DENND1B: variants seen among roughly 807,000 people sequenced by gnomAD.
The protein encoded by DENND1B is DENN domain-containing protein 1B.
A neutral mutation model predicts 90.1 loss-of-function variants in DENND1B; 59 were observed. The ratio of observed to expected loss-of-function variants is 0.65; its 90% confidence interval spans 0.53 to 0.81. The LOEUF is 0.81. Among genes scored for constraint, DENND1B ranks in the 40% least tolerant of loss-of-function variants. The probability of loss-of-function intolerance (pLI) is 0.00; values close to 1 mark genes in which losing one functional copy is unlikely to be tolerated. For missense variants in DENND1B, 862 were observed against 912.6 expected, an observed-to-expected ratio of 0.94 and a Z score of 0.71; for synonymous variants, 337 against 324.6, an observed-to-expected ratio of 1.04 and a Z score of -0.41.
intron 15 of DENND1B, among the ~76,000 whole-genome samples, chr1:197,572,115 C>T (rs1673215729): frequency 6.6e-6 from 1 of 152,168 alleles, no homozygotes; most frequent in South Asian, 2.1e-4. Flanking sequence ...GGTGGGGCAT[C>T]GCCGCACCCG....
At chr1:197,515,750 C>G (rs1031638917) in intron 20 of DENND1B, among the ~76,000 whole-genome samples, 1 of 151,770 alleles carries the variant, frequency 6.6e-6, no homozygotes, top group African/African-American at 2.4e-5. Context: ...GCCTTTGACA[C>G]TAAACAGCTC....
At chr1:197,576,106 A>T (rs540704598) in intron 15 of DENND1B, among the ~76,000 whole-genome samples, 1 of 152,142 alleles carries the variant, frequency 6.6e-6, no homozygotes, top group African/African-American at 2.4e-5. Context: ...AAAAAGAAAA[A>T]GAAAAAAAAA....
chr1:197,611,892 GT>G (rs1356228826), intron 12 of DENND1B, 38 bp downstream of exon 12: 1 of 1,569,042 alleles, frequency 6.4e-7, no homozygotes, highest in East Asian at 2.3e-5. Context: ...TATTTTATGA[GT>G]TAATTTTATC....
chr1:197,637,219 T>C (rs1009937959), intron 10 of DENND1B, among the ~76,000 whole-genome samples: 2 of 151,932 alleles, frequency 1.3e-5, no homozygotes, highest in African/African-American at 4.8e-5. Flanking sequence ...TCACTGTCTG[T>C]AAGCTATAAG....
At chr1:197,557,487 C>T (rs1208544027) in intron 15 of DENND1B, among the ~76,000 whole-genome samples, 7 of 152,030 alleles carry the variant, frequency 4.6e-5, no homozygotes, top group Middle Eastern at 6.8e-3. Context: ...AGTAACTACT[C>T]TGTCTTACTA....
intron 14 of DENND1B, among the ~76,000 whole-genome samples, chr1:197,593,480 A>G (rs76924290): frequency 2.0e-5 from 3 of 152,134 alleles, no homozygotes; most frequent in Admixed American, 2.0e-4. Flanking sequence ...ATATACTCTA[A>G]GATAAAATTA....
upstream of DENND1B, among the ~76,000 whole-genome samples, chr1:197,778,278 T>A (rs770508751): frequency 2.6e-5 from 4 of 152,198 alleles, no homozygotes; most frequent in Non-Finnish European, 5.9e-5. Context: ...TAAACCATCA[T>A]GTTTCAAATT....
At chr1:197,623,970 G>GCT (rs1678409581) in intron 10 of DENND1B, among the ~76,000 whole-genome samples, 3 of 151,554 alleles carry the variant, frequency 2.0e-5, no homozygotes, top group African/African-American at 7.3e-5. Flanking sequence ...TTCATGGGTA[G>GCT]GAAGACTCAA....
At chr1:197,562,567 C>T (rs74461411) in intron 15 of DENND1B, among the ~76,000 whole-genome samples, 4,922 of 151,986 alleles carry the variant, frequency 0.032, 135 homozygotes, top group Non-Finnish European at 0.047. Context: ...ACCACCCCCA[C>T]ATAAGTCAGC....
At chr1:197,677,986 C>G (rs1406029404) in intron 3 of DENND1B, among the ~76,000 whole-genome samples, 3 of 152,122 alleles carry the variant, frequency 2.0e-5, no homozygotes, top group South Asian at 2.1e-4. Context: ...GTGAAGGAAG[C>G]CTCCCTTTCT....
intron 10 of DENND1B, among the ~76,000 whole-genome samples, chr1:197,620,095 T>C (rs1678016995): frequency 6.6e-6 from 1 of 151,262 alleles, no homozygotes; most frequent in Non-Finnish European, 1.5e-5. Flanking sequence ...ATTTATTCTG[T>C]TAACCATGAG....
chr1:197,692,495 A>C (rs575555696), intron 3 of DENND1B, among the ~76,000 whole-genome samples: 134 of 151,976 alleles, frequency 8.8e-4, no homozygotes, highest in African/African-American at 3.1e-3. Context: ...TTATTTGAAC[A>C]AGTTCTTGTG....
At chr1:197,658,756 C>G (rs1654105184) in intron 5 of DENND1B, among the ~76,000 whole-genome samples, 1 of 151,112 alleles carries the variant, frequency 6.6e-6, no homozygotes, top group Non-Finnish European at 1.5e-5. Context: ...TAATATGTTA[C>G]TGGAGTATAT....
chr1:197,550,463 C>T (rs1020701179), intron 16 of DENND1B, among the ~76,000 whole-genome samples: 1 of 151,892 alleles, frequency 6.6e-6, no homozygotes, highest in South Asian at 2.1e-4. Flanking sequence ...ACATATACAC[C>T]ATGGAATACT....
chr1:197,594,327 G>A (rs970274571), intron 14 of DENND1B, among the ~76,000 whole-genome samples: 9 of 152,112 alleles, frequency 5.9e-5, no homozygotes, highest in African/African-American at 2.2e-4. Flanking sequence ...TTACAATTGA[G>A]TTTAACTGAG....
intron 15 of DENND1B, among the ~76,000 whole-genome samples, chr1:197,582,355 C>T (rs1674317316): frequency 6.6e-6 from 1 of 152,130 alleles, no homozygotes; most frequent in East Asian, 1.9e-4. Flanking sequence ...TTCTCAAGGG[C>T]ATTACTGAGT....
At chr1:197,631,697 T>C (rs1268299807) in intron 10 of DENND1B, among the ~76,000 whole-genome samples, 2 of 151,642 alleles carry the variant, frequency 1.3e-5, no homozygotes, top group Non-Finnish European at 2.9e-5. Context: ...TATAATAATT[T>C]GTAATTAAAT....
intron 11 of DENND1B, 57 bp from the exon 12 acceptor site, chr1:197,612,033 C>T (rs1280052765): frequency 1.5e-6 from 2 of 1,333,172 alleles, no homozygotes; most frequent in Non-Finnish European, 2.1e-6. Context: ...ACTGAAACAA[C>T]AGTATAAGTA....
chr1:197,515,068 C>G (rs979118977), intron 20 of DENND1B, among the ~76,000 whole-genome samples: 2 of 151,580 alleles, frequency 1.3e-5, no homozygotes, highest in Non-Finnish European at 3.0e-5. Flanking sequence ...TTTGAGTTCC[C>G]AATCTAGATA....
Sources: gnomAD v4.1 joint callset for allele counts (sites outside exome capture counted in the v4.1 genomes callset) on GRCh38, gnomAD v4.1.1 for gene constraint, MANE v1.5 for transcripts, NCBI Gene and HGNC (gene_info 2026-07-23, HGNC 2026-07-21) for gene names.